SOX5: variants seen among roughly 807,000 people sequenced by gnomAD.
SOX5 encodes the protein SRY-box transcription factor 5, also known as transcription factor SOX-5.
SOX5 carries 9 observed loss-of-function variants against 92.0 expected under a neutral mutation model. The observed-to-expected ratio is 0.10, with a 90% confidence interval of 0.06 to 0.17. The LOEUF (loss-of-function observed/expected upper bound fraction) is 0.17, where lower values mean the gene tolerates loss of function less well. Ranked by LOEUF, SOX5 falls within the 10% of genes least tolerant of loss-of-function variation. SOX5 has a pLI of 1.00. For missense variants in SOX5, 642 were observed against 944.5 expected, an observed-to-expected ratio of 0.68 and a Z score of 4.20; for synonymous variants, 344 against 336.3, an observed-to-expected ratio of 1.02 and a Z score of -0.25.
chr12:23,706,527 G>T (rs10842216), intron 6 of SOX5, among the ~76,000 whole-genome samples: 68,677 of 151,534 alleles, frequency 0.45, 16,043 homozygotes, highest in African/African-American at 0.54. Context: ...GAACTATAGA[G>T]GGACAAAATA....
At chr12:23,922,924 T>C (rs970571844) in intron 1 of SOX5, among the ~76,000 whole-genome samples, 1 of 151,626 alleles carries the variant, frequency 6.6e-6, no homozygotes, top group Admixed American at 6.6e-5. Context: ...GACTCTCAGT[T>C]AGTCAAGGGA....
intron 1 of SOX5, among the ~76,000 whole-genome samples, chr12:24,552,898 G>A (rs1315466035): frequency 6.6e-6 from 1 of 152,146 alleles, no homozygotes; most frequent in Non-Finnish European, 1.5e-5. Context: ...TGGGCATGCT[G>A]GCGCATGCCT....
intron 1 of SOX5, among the ~76,000 whole-genome samples, chr12:24,495,227 T>C (rs17356810): frequency 0.19 from 28,582 of 152,096 alleles, 2,810 homozygotes; most frequent in Middle Eastern, 0.24. Context: ...ATCTATTGAG[T>C]ATCTGTTATG....
intron 4 of SOX5, among the ~76,000 whole-genome samples, chr12:24,017,542 G>A (rs1379198883): frequency 6.6e-6 from 1 of 152,126 alleles, no homozygotes; most frequent in African/African-American, 2.4e-5. Context: ...GGAGGTTGCA[G>A]TGAGCCAAGA....
intron 4 of SOX5, among the ~76,000 whole-genome samples, chr12:24,007,191 G>A (rs74403516): frequency 0.96 from 25,145 of 26,136 alleles, 12,108 homozygotes; most frequent in East Asian, 0.99. Context: ...ATATATAAAT[G>A]TATATAAATG....
At chr12:23,920,081 C>A (rs1937692882) in intron 1 of SOX5, 1 of 152,088 alleles carries the variant, frequency 6.6e-6, no homozygotes, top group Admixed American at 6.6e-5. Flanking sequence ...TTAATCAGCG[C>A]TATTGCCTAA....
At chr12:23,908,368 T>C (rs562091136) in intron 1 of SOX5, among the ~76,000 whole-genome samples, 120 of 151,742 alleles carry the variant, frequency 7.9e-4, no homozygotes, top group African/African-American at 2.7e-3. Context: ...TGAAGAGAAA[T>C]ATTATGACCC....
At chr12:23,812,323 T>C (rs1367734293) in intron 3 of SOX5, among the ~76,000 whole-genome samples, 1 of 152,114 alleles carries the variant, frequency 6.6e-6, no homozygotes, top group Non-Finnish European at 1.5e-5. Context: ...CATATTTTCT[T>C]GCCAACATCA....
intron 1 of SOX5, among the ~76,000 whole-genome samples, chr12:24,383,886 A>C (rs889979971): frequency 2.6e-5 from 4 of 152,168 alleles, no homozygotes; most frequent in African/African-American, 7.2e-5. Context: ...TATGGCTCCC[A>C]TAATCCCTAA....
At chr12:24,417,502 TC>T (rs1455579200) in intron 1 of SOX5, among the ~76,000 whole-genome samples, 1 of 152,146 alleles carries the variant, frequency 6.6e-6, no homozygotes, top group Non-Finnish European at 1.5e-5. Flanking sequence ...GACTCAAGGG[TC>T]TCTACCTTAA....
chr12:24,361,536 A>G (rs1475961853), intron 2 of SOX5, among the ~76,000 whole-genome samples: 2 of 152,184 alleles, frequency 1.3e-5, no homozygotes, highest in Admixed American at 6.5e-5. Context: ...GAAAGTCCTC[A>G]GTAAATGACA....
At chr12:23,923,460 T>C (rs763384523) in intron 1 of SOX5, among the ~76,000 whole-genome samples, 4 of 152,134 alleles carry the variant, frequency 2.6e-5, no homozygotes, top group Admixed American at 2.0e-4. Context: ...AGTTAGAAGG[T>C]GAAATTAAGT....
intron 3 of SOX5, among the ~76,000 whole-genome samples, chr12:24,240,898 C>T (rs1263343229): frequency 6.6e-6 from 1 of 152,126 alleles, no homozygotes; most frequent in Non-Finnish European, 1.5e-5. Context: ...ACAGATTTTT[C>T]TTAATGACAT....
intron 2 of SOX5, among the ~76,000 whole-genome samples, chr12:24,366,095 A>G (rs1956144338): frequency 6.6e-6 from 1 of 152,116 alleles, no homozygotes; most frequent in East Asian, 1.9e-4. Context: ...CAATGTCACT[A>G]TTCGAATTTC....
At chr12:24,322,373 C>A (rs1950284093) in intron 2 of SOX5, among the ~76,000 whole-genome samples, 1 of 139,586 alleles carries the variant, frequency 7.2e-6, no homozygotes, top group Admixed American at 7.5e-5. Context: ...TAGATGGAGA[C>A]AGGCATTTAG....
At chr12:24,251,572 G>GC (rs540124970) in intron 3 of SOX5, among the ~76,000 whole-genome samples, 1 of 141,488 alleles carries the variant, frequency 7.1e-6, no homozygotes, top group Non-Finnish European at 1.5e-5. Context: ...AGGGTTTTTT[G>GC]TTTTTTTTTT....
chr12:23,600,260 G>T (rs554127035), intron 9 of SOX5, among the ~76,000 whole-genome samples: 68 of 152,000 alleles, frequency 4.5e-4, no homozygotes, highest in Middle Eastern at 3.4e-3. Context: ...CCAACATTTA[G>T]CCATAAACAT....
intron 2 of SOX5, among the ~76,000 whole-genome samples, chr12:24,310,632 T>C (rs918233617): frequency 6.6e-6 from 1 of 152,024 alleles, no homozygotes; most frequent in Admixed American, 6.6e-5. Context: ...TCTATTTCCA[T>C]GGAAAAACAA....
intron 4 of SOX5, among the ~76,000 whole-genome samples, chr12:23,742,182 G>A (rs950091556): frequency 2.0e-5 from 3 of 152,062 alleles, no homozygotes; most frequent in Admixed American, 6.6e-5. Flanking sequence ...TACCAATTTA[G>A]GCTGAAACAG....
Sources: gnomAD v4.1 joint callset for allele counts (sites outside exome capture counted in the v4.1 genomes callset) on GRCh38, gnomAD v4.1.1 for gene constraint, MANE v1.5 for transcripts, NCBI Gene and HGNC (gene_info 2026-07-23, HGNC 2026-07-21) for gene names.